The following TMEM65 variants were observed in gnomAD, a reference collection of about 807,000 sequenced individuals.
The protein encoded by TMEM65 is transmembrane protein 65.
In TMEM65, 22 loss-of-function variants were observed where a neutral mutation model predicts 25.4. That is an observed-to-expected ratio of 0.86 (90% CI 0.62 to 1.23). The LOEUF (loss-of-function observed/expected upper bound fraction) is 1.23, where lower values mean the gene tolerates loss of function less well. Ranked by LOEUF, TMEM65 falls within the 50% of genes most tolerant of loss-of-function variation. The pLI, the probability that TMEM65 is intolerant of heterozygous loss-of-function variation, is 0.00. For synonymous variants in TMEM65, 132 were observed against 126.2 expected (o/e 1.05, Z -0.31); for missense variants, 262 against 308.2 (o/e 0.85, Z 1.12).
At chr8:124,318,799 T>C (rs772533203) in intron 6 of TMEM65, among the ~76,000 whole-genome samples, 11 of 152,150 alleles carry the variant, frequency 7.2e-5, no homozygotes, top group African/African-American at 1.2e-4. Flanking sequence ...CACTCTCCTA[T>C]GAAATCTCAT....
At chr8:124,344,957 A>G (rs981040502) in intron 1 of TMEM65, among the ~76,000 whole-genome samples, 1 of 152,246 alleles carries the variant, frequency 6.6e-6, no homozygotes, top group Non-Finnish European at 1.5e-5. Context: ...ATGGTGAGTG[A>G]CAAAGAATGG....
intron 1 of TMEM65, among the ~76,000 whole-genome samples, chr8:124,344,438 A>G (rs1445806856): frequency 1.3e-5 from 2 of 152,182 alleles, no homozygotes; most frequent in African/African-American, 4.8e-5. Flanking sequence ...ACTACAGCTG[A>G]CTCTACTGCA....
chr8:124,363,236 A>C (rs1174537320), intron 1 of TMEM65, among the ~76,000 whole-genome samples: 4 of 152,206 alleles, frequency 2.6e-5, no homozygotes, highest in African/African-American at 9.6e-5. Flanking sequence ...TTACATGGGA[A>C]GCATTGTCAA....
rs145404043 is a variant in TMEM65, at chr8:124,325,402, C to A, written c.417+1952G>T. 6.5e-4 allele frequency among the ~76,000 whole-genome samples: 99 copies of A among 152,044 alleles called. 1 individual carries two copies. The highest frequency in any genetic ancestry group is 2.4e-3 in the African/African-American group (98 of 41,522). On this transcript the variant is annotated intron_variant, in intron 3 of 6. Transcript: ENST00000297632. Reference sequence around the variant, plus strand: ...AGTCTCAGCATTCTATATAACGAAGCCTCACTGGAAAATTTTATTGTCTCT... The same window carrying A: ...AGTCTCAGCATTCTATATAACGAAGACTCACTGGAAAATTTTATTGTCTCT...
chr8:124,339,018 G>A (rs113771385), intron 1 of TMEM65, among the ~76,000 whole-genome samples: 11,955 of 150,474 alleles, frequency 0.079, 525 homozygotes, highest in African/African-American at 0.12. Context: ...GTGAAACCCC[G>A]TCTCTACTAA....
At position 124,307,458 on chromosome 8, in the gene TMEM65, A is replaced by C. The variant is rs1469041077; in HGVS notation, c.*6502T>G. On this transcript the variant is annotated 3_prime_UTR_variant, in exon 7 of 7. Transcript: ENST00000297632. The stretch of plus-strand genomic sequence containing the variant: ...CCAGCATAAGGACCACTGTTAAAAA[A>C]AATTAAGAAAATTTATGAAGCCATT... 6.6e-6 allele frequency: 1 copy of C among 152,056 alleles called. No homozygotes were observed. Among genetic ancestry groups the C allele is most frequent in the Non-Finnish European group, 1.5e-5 (1 of 68,014 alleles). 9.4% of individuals were successfully genotyped at this position (152,056 alleles called of 1,614,324 possible). A position where few individuals can be genotyped will look rare whatever the true frequency, so the allele number is the denominator to read the frequency against.
At chr8:124,342,749 C>T (rs1176448352) in intron 1 of TMEM65, among the ~76,000 whole-genome samples, 1 of 152,058 alleles carries the variant, frequency 6.6e-6, no homozygotes, top group Non-Finnish European at 1.5e-5. Context: ...AAAAATTGTT[C>T]GAGTGACTGT....
intron 3 of TMEM65, 112 bp downstream of exon 3, chr8:124,327,242 C>T: frequency 1.4e-6 from 1 of 696,014 alleles, no homozygotes; most frequent in Non-Finnish European, 2.4e-6. Context: ...AAAAAATATC[C>T]TTGTTCATTA....
chr8:124,371,803 A>C (rs1815018604), intron 1 of TMEM65, 51 bp downstream of exon 1: 2 of 1,471,234 alleles, frequency 1.4e-6, no homozygotes, highest in South Asian at 2.5e-5. Context: ...GGCTGGCGAG[A>C]AGAGGAGGGC....
At chr8:124,355,552 C>T (rs891664461) in intron 1 of TMEM65, among the ~76,000 whole-genome samples, 3 of 152,200 alleles carry the variant, frequency 2.0e-5, no homozygotes, top group Non-Finnish European at 4.4e-5. Flanking sequence ...TAATGAAACA[C>T]AATTTGCATT....
chr8:124,343,887 T>C (rs1814613161), intron 1 of TMEM65, among the ~76,000 whole-genome samples: 1 of 152,242 alleles, frequency 6.6e-6, no homozygotes, highest in South Asian at 2.1e-4. Flanking sequence ...AAACCTATAG[T>C]GAGGGTTTTG....
chr8:124,328,198 G>A (rs986587969), intron 2 of TMEM65, among the ~76,000 whole-genome samples: 1 of 152,110 alleles, frequency 6.6e-6, no homozygotes, highest in Non-Finnish European at 1.5e-5. Context: ...GAGGTCAAGA[G>A]ATCGAGACCA....
chr8:124,321,720 T>C (rs1814305818), intron 5 of TMEM65, among the ~76,000 whole-genome samples: 1 of 152,164 alleles, frequency 6.6e-6, no homozygotes, highest in African/African-American at 2.4e-5. Context: ...TTCTTCCTTT[T>C]ACTCCTGTCT....
rs1485400392 is a variant in TMEM65, at chr8:124,320,055, C to T, written c.621+31G>A. Reference sequence around the variant, plus strand: ...ACAGAATCTTGCTCTGGCTACCCAACTCATTATCATAAACCATGTAAATTA... The same window carrying T: ...ACAGAATCTTGCTCTGGCTACCCAATTCATTATCATAAACCATGTAAATTA... On this transcript the variant is annotated intron_variant, in intron 6 of 6. Transcript: ENST00000297632. 4 of 1,556,526 alleles carry T rather than the reference C, an allele frequency of 2.6e-6. No homozygotes were observed. In the African/African-American group the frequency reaches 4.1e-5, roughly 16 times the overall value.
rs763942076 is a variant in TMEM65 at position 124,320,061 on chromosome 8, AT to A, written c.621+24del. On this transcript the variant is annotated intron_variant, in intron 6 of 6. Coordinates refer to ENST00000297632, the MANE Select transcript of TMEM65 (RefSeq NM_194291.3). ...TCTTGCTCTGGCTACCCAACTCATT[AT>A]CATAAACCATGTAAATTACTTACCA... 1.9e-6 allele frequency: 3 copies of A among 1,581,542 alleles called. No homozygotes were observed. In the South Asian group the frequency reaches 3.3e-5, roughly 18 times the overall value.
chr8:124,339,204 AAAAAAAAAAAAAAAAAAAAT>A (rs1404743575), intron 1 of TMEM65, among the ~76,000 whole-genome samples: 6 of 33,026 alleles, frequency 1.8e-4, no homozygotes, highest in African/African-American at 8.8e-4. Context: ...AAAAAAAAAA[AAAAAAAAAAAAAAAAAAAAT>A]ATATATATAT....
Position 124,313,345 on chromosome 8 carries a change from C to G in TMEM65, c.*615G>C, listed in dbSNP as rs1268089907. 6.6e-6 allele frequency: 1 copy of G among 151,928 alleles called. No individual in the cohort carries two copies. The highest frequency in any genetic ancestry group is 1.5e-5 in the Non-Finnish European group (1 of 67,882). The allele number at this position is 151,928 out of a possible 1,614,324, so 9.4% of individuals were successfully genotyped here. ...ACATAATTGCTCTTTGTGATTAACC[C>G]TCTGGCCCTTAAAATAGTAAAGTCA... On this transcript the variant is annotated 3_prime_UTR_variant, in exon 7 of 7. Coordinates refer to ENST00000297632, the MANE Select transcript of TMEM65 (RefSeq NM_194291.3).
intron 6 of TMEM65, among the ~76,000 whole-genome samples, chr8:124,314,823 A>T (rs1399654842): frequency 6.6e-6 from 1 of 151,602 alleles, no homozygotes; most frequent in Non-Finnish European, 1.5e-5. Flanking sequence ...CTATGCCTAG[A>T]TAATTTTGTT....
intron 1 of TMEM65, among the ~76,000 whole-genome samples, chr8:124,355,744 G>A (rs1814770583): frequency 6.6e-6 from 1 of 152,122 alleles, no homozygotes; most frequent in Non-Finnish European, 1.5e-5. Flanking sequence ...GCAATCAACT[G>A]GCCCTAAATC....
Sources: allele counts gnomAD v4.1 joint callset (sites outside exome capture counted in the v4.1 genomes callset), GRCh38; gene constraint gnomAD v4.1.1; transcripts MANE v1.5; gene names NCBI Gene and HGNC (gene_info 2026-07-23, HGNC 2026-07-21).